The following ZNF24 variants were observed in gnomAD, a reference collection of about 807,000 sequenced individuals.
The protein encoded by ZNF24 is retinoic acid suppression protein A.
Under a neutral mutation model 40.9 loss-of-function variants are expected in ZNF24, and 11 were observed. The ratio of observed to expected loss-of-function variants is 0.27; its 90% CI spans 0.17 to 0.45. The LOEUF (loss-of-function observed/expected upper bound fraction) is 0.45, where lower values mean the gene tolerates loss of function less well. Among genes scored for constraint, ZNF24 ranks in the 20% least tolerant of loss-of-function variants. The probability of loss-of-function intolerance (pLI) is 1.00; values close to 1 mark genes in which losing one functional copy is unlikely to be tolerated. For synonymous variants in ZNF24, 139 were observed against 154.7 expected (o/e 0.90, Z 0.75); for missense variants, 293 against 437.7 (o/e 0.67, Z 2.95).
Position 35,336,876 on chromosome 18 carries a change from C to G in ZNF24, c.*356G>C, listed in dbSNP as rs1296282720. The G allele has an allele frequency of 5.8e-6, 1 of 173,122 alleles. No homozygotes were observed. The highest frequency in any genetic ancestry group is 6.2e-5 in the Admixed American group (1 of 16,072). 10.7% of individuals were successfully genotyped at this position (173,122 alleles called of 1,614,324 possible). A position where few individuals can be genotyped will look rare whatever the true frequency, so the allele number is the denominator to read the frequency against. ...TAAGGGAATGTATCCATATAAAGAA[C>G]ATTTCAATGATCAATGCAGAAATAA... On this transcript the variant is annotated 3_prime_UTR_variant, in exon 4 of 4. Coordinates refer to ENST00000261332, the MANE Select transcript of ZNF24 (RefSeq NM_006965.4).
chr18:35,337,216 T>C lies in ZNF24; in HGVS notation c.*16A>G. 1 of 1,434,394 alleles carries C rather than the reference T, an allele frequency of 7.0e-7. No homozygotes were observed. Among genetic ancestry groups the C allele is most frequent in the Non-Finnish European group, 9.2e-7 (1 of 1,087,140 alleles). 88.9% of individuals were successfully genotyped at this position (1,434,394 alleles called of 1,614,324 possible). A position where few individuals can be genotyped will look rare whatever the true frequency, so the allele number is the denominator to read the frequency against. On this transcript the variant is annotated 3_prime_UTR_variant, in exon 4 of 4. Coordinates refer to ENST00000261332, the MANE Select transcript of ZNF24 (RefSeq NM_006965.4). Reference sequence around the variant, plus strand: ...AAAAAGACCTGAGTGCTGATTCTTTTTTTTTTTTCAATTTCTTAAACTTTC... The same window carrying C: ...AAAAAGACCTGAGTGCTGATTCTTTCTTTTTTTTCAATTTCTTAAACTTTC...
intron 1 of ZNF24, 63 bp downstream of exon 1, chr18:35,344,294 CCTG>C (rs1348869800): frequency 6.6e-6 from 1 of 152,280 alleles, no homozygotes; most frequent in Non-Finnish European, 1.5e-5. Flanking sequence ...CCCGCCGGCT[CCTG>C]CTAAGAGGTC....
In ZNF24 at chr18:35,340,189, T is replaced by C; in HGVS notation, c.420+42A>G. 6.3e-7 allele frequency: 1 copy of C among 1,595,940 alleles called. No individual in the cohort carries two copies. Among genetic ancestry groups the C allele is most frequent in the African/African-American group, 1.3e-5 (1 of 74,724 alleles). The stretch of plus-strand genomic sequence containing the variant: ...ATTCAGCAGCTTTGCCTACTACCTA[T>C]GCCAGTGCTTCTGACACAGGAAATG... On this transcript the variant is annotated intron_variant, in intron 2 of 3. Transcript: ENST00000261332. This position sits in a 1 kb window ranked among gnomAD's most constrained non-coding sequence, Gnocchi z 4.6.
intron 1 of ZNF24, among the ~76,000 whole-genome samples, chr18:35,341,171 TA>T (rs11353296): frequency 0.86 from 131,341 of 152,138 alleles, 57,572 homozygotes; most frequent in Non-Finnish European, 0.91. Context: ...CTAGATGGCC[TA>T]AAAAAAACCC....
chr18:35,342,121 G>A (rs1181029579), intron 1 of ZNF24, among the ~76,000 whole-genome samples: 2 of 152,002 alleles, frequency 1.3e-5, no homozygotes, highest in Non-Finnish European at 2.9e-5. Context: ...TCTTGAACCC[G>A]CGAGGTGGAG....
intron 3 of ZNF24, chr18:35,338,458 C>G: frequency 1.0e-6 from 1 of 985,380 alleles, no homozygotes; most frequent in Non-Finnish European, 1.2e-6. Context: ...CTCAGTGAAA[C>G]GTGTCCAATG....
rs975035498 is a variant in ZNF24, at chr18:35,339,040, C to T, written c.568+789G>A. ...GCTCAGACCTCATTCAGTGGCATAC[C>T]AGCACCATCTCCAACTACTTCAAGG... On this transcript the variant is annotated intron_variant, in intron 3 of 3. Coordinates refer to ENST00000261332, the MANE Select transcript of ZNF24 (RefSeq NM_006965.4). 7 of 1,535,894 alleles carry T rather than the reference C, an allele frequency of 4.6e-6. No homozygotes were observed. The African/African-American group carries it at 8.2e-5, about 18-fold the overall frequency.
rs1221073947 is a variant in ZNF24 at position 35,336,493 on chromosome 18, TTAA to T, written c.*736_*738del. 6.6e-6 allele frequency: 1 copy of T among 152,242 alleles called. No homozygotes were observed. Among genetic ancestry groups the T allele is most frequent in the Non-Finnish European group, 1.5e-5 (1 of 68,036 alleles). 9.4% of individuals were successfully genotyped at this position (152,242 alleles called of 1,614,324 possible). ...GTTTATTATTTAGACTGTATGCTTT[TTAA>T]TAATATATGGGAAAACATTATTTTC... is the stretch of plus-strand genomic sequence containing the variant. On this transcript the variant is annotated 3_prime_UTR_variant, in exon 4 of 4. Coordinates refer to ENST00000261332, the MANE Select transcript of ZNF24 (RefSeq NM_006965.4).
chr18:35,338,293 AG>A (rs1451403616), intron 3 of ZNF24: 2 of 985,456 alleles, frequency 2.0e-6, no homozygotes, highest in Non-Finnish European at 2.4e-6. Context: ...AGTCTTGACA[AG>A]AAGGGGCTGA....
In ZNF24 at chr18:35,339,947, T is replaced by G; in HGVS notation, c.450A>C (p.Val150=). ...PVSLRRRKRE[V]LVEDMVSQEE... is the part of the protein sequence containing the mutation. ...CTTGAGATACCATGTCTTCTACTAG[T>G]ACTTCCCGTTTTCGTCGACGGAGAG... Residue 150 remains valine (V), a synonymous_variant, in exon 3 of 4, where the codon GTA becomes GTC. Transcript: ENST00000261332. 1 of 1,610,964 alleles carries G rather than the reference T, an allele frequency of 6.2e-7. No individual in the cohort carries two copies. The highest frequency in any genetic ancestry group is 1.3e-5 in the African/African-American group (1 of 75,000).
In ZNF24 at chr18:35,337,154, T is replaced by A. The variant is rs546858965; in HGVS notation, c.*78A>T. ...TCAATAGGGAAAAAACTATTCTGCA[T>A]CATTTCATATTTTAAATTTTGTCTT... On this transcript the variant is annotated 3_prime_UTR_variant, in exon 4 of 4. Transcript: ENST00000261332. The A allele has an allele frequency of 9.8e-6, 12 of 1,220,032 alleles. No homozygotes were observed. The highest frequency in any genetic ancestry group is 3.0e-5 in the Admixed American group (1 of 33,400). The allele number at this position is 1,220,032 out of a possible 1,614,324, so 75.6% of individuals were successfully genotyped here. A position where few individuals can be genotyped will look rare whatever the true frequency, so the allele number is the denominator to read the frequency against.
chr18:35,337,208 G>A lies in ZNF24; in HGVS notation c.*24C>T. ...TTCTGAAGAAAAAGACCTGAGTGCT[G>A]ATTCTTTTTTTTTTTTCAATTTCTT... On this transcript the variant is annotated 3_prime_UTR_variant, in exon 4 of 4. Coordinates refer to ENST00000261332, the MANE Select transcript of ZNF24 (RefSeq NM_006965.4). The A allele has an allele frequency of 7.1e-7, 1 of 1,417,724 alleles. No homozygotes were observed. The highest frequency in any genetic ancestry group is 9.3e-7 in the Non-Finnish European group (1 of 1,074,514). 87.8% of individuals were successfully genotyped at this position (1,417,724 alleles called of 1,614,324 possible).
In ZNF24 at chr18:35,335,965, G is replaced by A. The variant is rs1428868265; in HGVS notation, c.*1267C>T. ...TGGACTCACCTCTGAACACTGGAGA[G>A]CCAGCTAGCTCTTTTGAGCCGAGTC... is the stretch of plus-strand genomic sequence containing the variant. On this transcript the variant is annotated 3_prime_UTR_variant, in exon 4 of 4. Transcript: ENST00000261332. 1 of 152,222 alleles carries A rather than the reference G, an allele frequency of 6.6e-6. No individual in the cohort carries two copies. Among genetic ancestry groups the A allele is most frequent in the Non-Finnish European group, 1.5e-5 (1 of 68,046 alleles). The allele number at this position is 152,222 out of a possible 1,614,324, so 9.4% of individuals were successfully genotyped here. A position where few individuals can be genotyped will look rare whatever the true frequency, so the allele number is the denominator to read the frequency against.
chr18:35,333,642 G>A lies in ZNF24; in HGVS notation c.*3590C>T, dbSNP rs1178542584. The A allele has an allele frequency of 6.6e-6, 1 of 152,200 alleles. No homozygotes were observed. The highest frequency in any genetic ancestry group is 1.5e-5 in the Non-Finnish European group (1 of 68,026). The allele number at this position is 152,200 out of a possible 1,614,324, so 9.4% of individuals were successfully genotyped here. A position where few individuals can be genotyped will look rare whatever the true frequency, so the allele number is the denominator to read the frequency against. The stretch of plus-strand genomic sequence containing the variant: ...CAAAAATTTTTAAGGATTCAGGGTT[G>A]GCAGACTATAGGCAAACAGGCATTC... On this transcript the variant is annotated 3_prime_UTR_variant, in exon 4 of 4. Coordinates refer to ENST00000261332, the MANE Select transcript of ZNF24 (RefSeq NM_006965.4).
Position 35,333,625 on chromosome 18 carries a change from T to TTTAAGGATTCAGGGTTGGC in ZNF24, c.*3588_*3606dup, listed in dbSNP as rs1172187128. On this transcript the variant is annotated 3_prime_UTR_variant, in exon 4 of 4. Coordinates refer to ENST00000261332, the MANE Select transcript of ZNF24 (RefSeq NM_006965.4). ...TTTGCCTACCAGATTGGCAAAAATT[T>TTTAAGGATTCAGGGTTGGC]TTAAGGATTCAGGGTTGGCAGACTA... The TTTAAGGATTCAGGGTTGGC allele has an allele frequency of 2.6e-5, 4 of 152,186 alleles. No homozygotes were observed. The highest frequency in any genetic ancestry group is 5.9e-5 in the Non-Finnish European group (4 of 68,038). The allele number at this position is 152,186 out of a possible 1,614,324, so 9.4% of individuals were successfully genotyped here.
chr18:35,343,926 G>T, intron 1 of ZNF24: 1 of 152,956 alleles, frequency 6.5e-6, no homozygotes, highest in South Asian at 1.9e-4. Context: ...GATTTCAGAT[G>T]ACCAAAGGCC....
rs2044893949 is a variant in ZNF24, at chr18:35,335,135, T to C, written c.*2097A>G. The C allele has an allele frequency of 1.3e-5, 2 of 152,144 alleles. No individual in the cohort carries two copies. The highest frequency in any genetic ancestry group is 2.9e-5 in the Non-Finnish European group (2 of 68,016). 9.4% of individuals were successfully genotyped at this position (152,144 alleles called of 1,614,324 possible). On this transcript the variant is annotated 3_prime_UTR_variant, in exon 4 of 4. Coordinates refer to ENST00000261332, the MANE Select transcript of ZNF24 (RefSeq NM_006965.4). The stretch of plus-strand genomic sequence containing the variant: ...CTTCTTACCTACTCTGATACAAGAA[T>C]TCTGTCATTCCAGCCGTCTTCCAAA...
In ZNF24 at chr18:35,334,228, A is replaced by G. The variant is rs867569963; in HGVS notation, c.*3004T>C. On this transcript the variant is annotated 3_prime_UTR_variant, in exon 4 of 4. Transcript: ENST00000261332. ...ACCAGCAATGTTTAATAGCTTTCAC[A>G]TTTGTTAACCATAAACACAAATTTA... is the stretch of plus-strand genomic sequence containing the variant. The G allele has an allele frequency of 5.8e-4, 89 of 152,212 alleles. No individual in the cohort carries two copies. The highest frequency in any genetic ancestry group is 2.0e-3 in the African/African-American group (82 of 41,466). The allele number at this position is 152,212 out of a possible 1,614,324, so 9.4% of individuals were successfully genotyped here.
rs965559072 is a variant in ZNF24 at position 35,335,999 on chromosome 18, C to T, written c.*1233G>A. The T allele has an allele frequency of 2.6e-5, 4 of 152,384 alleles. No homozygotes were observed. The highest frequency in any genetic ancestry group is 5.9e-5 in the Non-Finnish European group (4 of 68,032). 9.4% of individuals were successfully genotyped at this position (152,384 alleles called of 1,614,324 possible). A position where few individuals can be genotyped will look rare whatever the true frequency, so the allele number is the denominator to read the frequency against. On this transcript the variant is annotated 3_prime_UTR_variant, in exon 4 of 4. Coordinates refer to ENST00000261332, the MANE Select transcript of ZNF24 (RefSeq NM_006965.4). ...CTCTTTTGAGCCGAGTCCTCCTCCC[C>T]CTCCAAATACAACACCCTGGTAAAA...
Sources: gnomAD v4.1 joint callset for allele counts (sites outside exome capture counted in the v4.1 genomes callset) on GRCh38, gnomAD v4.1.1 for gene constraint, Gnocchi (gnomAD v3.1) non-coding constraint, MANE v1.5 for transcripts, NCBI Gene and HGNC (gene_info 2026-07-23, HGNC 2026-07-21) for gene names.